Variants in SOX30 observed in about 807,000 individuals in gnomAD.
SOX30 encodes the protein SRY-box transcription factor 30, also known as transcription factor SOX-30.
A neutral mutation model predicts 58.6 loss-of-function variants in SOX30; 17 were observed. The observed-to-expected ratio is 0.29, with a 90% CI of 0.20 to 0.44. The LOEUF (loss-of-function observed/expected upper bound fraction) is 0.44. Among genes scored for constraint, SOX30 ranks in the 20% least tolerant of loss-of-function variants. SOX30 has a pLI of 1.00. For synonymous variants in SOX30, 421 were observed against 400.2 expected, an observed-to-expected ratio of 1.05 and a Z score of -0.62; for missense variants, 951 against 965.8, an observed-to-expected ratio of 0.98 and a Z score of 0.20.
At chr5:157,632,046 C>CT (rs1222492733) in intron 4 of SOX30, among the ~76,000 whole-genome samples, 3 of 18,948 alleles carry the variant, frequency 1.6e-4, no homozygotes, top group African/African-American at 5.2e-4. Flanking sequence ...CACCCCGTAA[C>CT]TAAAAAAAAA....
chr5:157,642,411 T>C (rs1388078740), intron 3 of SOX30, among the ~76,000 whole-genome samples: 2 of 151,728 alleles, frequency 1.3e-5, no homozygotes, highest in African/African-American at 2.4e-5. Context: ...TATTATGCGG[T>C]AGTAATCACA....
In SOX30 at chr5:157,652,112, C is replaced by G; in HGVS notation, c.-34G>C. 1 of 1,387,534 alleles carries G rather than the reference C, an allele frequency of 7.2e-7. No homozygotes were observed. Among genetic ancestry groups the G allele is most frequent in the Middle Eastern group, 2.5e-4 (1 of 3,950 alleles). 86.0% of individuals were successfully genotyped at this position (1,387,534 alleles called of 1,614,324 possible). The stretch of plus-strand genomic sequence containing the variant: ...GGGACGCCCCGGCCAGGATTGTGAG[C>G]TCAGCCGTTTGTTGGCGACCTTCCC... On this transcript the variant is annotated 5_prime_UTR_variant, in exon 1 of 5. Transcript: ENST00000265007.
chr5:157,652,976 A>G (rs1209302397), upstream of SOX30, among the ~76,000 whole-genome samples: 5 of 152,190 alleles, frequency 3.3e-5, no homozygotes, highest in African/African-American at 1.2e-4. Context: ...TTCTTAGCAA[A>G]GCCTTAAAAA....
chr5:157,627,868 C>T (rs1266094911), intron 4 of SOX30, among the ~76,000 whole-genome samples: 4 of 152,032 alleles, frequency 2.6e-5, no homozygotes, highest in Non-Finnish European at 4.4e-5. Flanking sequence ...GTGGCGGGCG[C>T]CTGTAGTCCC....
chr5:157,641,571 C>A (rs190751797), intron 3 of SOX30, among the ~76,000 whole-genome samples: 18 of 152,232 alleles, frequency 1.2e-4, no homozygotes, highest in African/African-American at 4.1e-4. Context: ...TGAGATCATG[C>A]CACTGCACTC....
intron 4 of SOX30, among the ~76,000 whole-genome samples, chr5:157,628,816 A>AT (rs1169532865): frequency 6.6e-6 from 1 of 151,714 alleles, no homozygotes; most frequent in Non-Finnish European, 1.5e-5. Context: ...TAATTTTTGT[A>AT]TTTTAGTAGA....
upstream of SOX30, among the ~76,000 whole-genome samples, chr5:157,653,735 A>C (rs549226886): frequency 6.6e-6 from 1 of 152,330 alleles, no homozygotes; most frequent in South Asian, 2.1e-4. Context: ...ACAAGTTATC[A>C]CTCAAAGACC....
chr5:157,656,580 C>T (rs1340601875), upstream of SOX30, among the ~76,000 whole-genome samples: 9 of 152,176 alleles, frequency 5.9e-5, no homozygotes, highest in Non-Finnish European at 1.2e-4. Context: ...ACACCTAGTA[C>T]ATAATTAAAA....
At chr5:157,628,364 TTCACACAC>T (rs1342519313) in intron 4 of SOX30, among the ~76,000 whole-genome samples, 2 of 97,588 alleles carry the variant, frequency 2.0e-5, no homozygotes, top group African/African-American at 1.0e-4. Flanking sequence ...ATTTCTGGCC[TTCACACAC>T]ACACACACAC....
upstream of SOX30, among the ~76,000 whole-genome samples, chr5:157,654,096 G>T (rs145685649): frequency 0.089 from 13,494 of 151,334 alleles, 695 homozygotes; most frequent in Middle Eastern, 0.15. Context: ...AACCTGGGAG[G>T]CAGAGGTTGC....
upstream of SOX30, among the ~76,000 whole-genome samples, chr5:157,655,835 A>G (rs1759460664): frequency 6.6e-6 from 1 of 152,202 alleles, no homozygotes; most frequent in Non-Finnish European, 1.5e-5. Context: ...TTGTGAGGCT[A>G]GTCTTAAGCT....
intron 2 of SOX30, among the ~76,000 whole-genome samples, chr5:157,664,155 A>C (rs1244956369): frequency 6.6e-6 from 1 of 151,924 alleles, no homozygotes; most frequent in Admixed American, 6.6e-5. Flanking sequence ...AAGCCAAAAG[A>C]ACAAAGCTGG....
intron 4 of SOX30, among the ~76,000 whole-genome samples, chr5:157,633,017 A>G (rs1758847996): frequency 6.6e-6 from 1 of 152,180 alleles, no homozygotes; most frequent in Non-Finnish European, 1.5e-5. Context: ...TGAACCCCAG[A>G]GGCAGAGGCT....
chr5:157,668,639 G>T (rs55725714), intron 1 of SOX30, among the ~76,000 whole-genome samples: 6,384 of 152,180 alleles, frequency 0.042, 209 homozygotes, highest in East Asian at 0.1. Flanking sequence ...AGAACATAAA[G>T]GTGGAAGAAT....
intron 4 of SOX30, among the ~76,000 whole-genome samples, chr5:157,629,468 A>G (rs1758737716): frequency 6.6e-6 from 1 of 152,214 alleles, no homozygotes. Flanking sequence ...TAACGCCAGC[A>G]TTATAGTGAC....
chr5:157,638,412 C>G lies in SOX30; in HGVS notation c.1698G>C (p.Arg566Ser), dbSNP rs754485706. The change falls in exon 4 of 5, where the codon AGG becomes AGC. Residue 566 changes from arginine to serine, a missense_variant. Arg to Ser is a moderately radical substitution (Grantham distance 110). This residue lies in a region of SOX30 where 381 missense variants were observed against 390.0 expected (regional missense o/e 0.98). Transcript: ENST00000265007. ...GACAAGGGGAAACGCTGGAATACTCCCTAGGAGGTTGGATGGTCGAAGTTG... is the reference window on the plus strand; with the variant it reads ...GACAAGGGGAAACGCTGGAATACTCGCTAGGAGGTTGGATGGTCGAAGTTG... ...RFATSTIQPP[R>S]EYSSVSPCPR... The G allele has an allele frequency of 6.2e-7, 1 of 1,613,640 alleles. No individual in the cohort carries two copies. The highest frequency in any genetic ancestry group is 2.2e-5 in the East Asian group (1 of 44,862).
Position 157,648,806 on chromosome 5 carries a change from G to C in SOX30, c.1058C>G (p.Pro353Arg), listed in dbSNP as rs772733963. 1.1e-5 allele frequency: 18 copies of C among 1,612,814 alleles called. No homozygotes were observed. The South Asian group carries it at 2.0e-4, about 18-fold the overall frequency. ...TGCTGGGTTAGCTTTGGCTAGTGCTGGTCGGTGGATCCTTGCCCAAACCAT... is the reference window on the plus strand; with the variant it reads ...TGCTGGGTTAGCTTTGGCTAGTGCTCGTCGGTGGATCCTTGCCCAAACCAT... ...AFMVWARIHR[P>R]ALAKANPAAN... The change falls in exon 2 of 5, where the codon CCA becomes CGA. Residue 353 changes from proline (P) to arginine (R), a missense_variant. By Grantham distance (103) the Pro-to-Arg change is moderately radical. Transcript: ENST00000265007.
At chr5:157,649,528 G>A (rs923595780) in intron 1 of SOX30, among the ~76,000 whole-genome samples, 2 of 152,144 alleles carry the variant, frequency 1.3e-5, no homozygotes, top group Admixed American at 6.5e-5. Context: ...GGTGGCTCAC[G>A]CCTGTAATCC....
rs1758976430 is a variant in SOX30, at chr5:157,638,256, T to C, written c.1854A>G (p.Leu618=). Residue 618 remains leucine (L), a synonymous_variant, in exon 4 of 5, where the codon CTA becomes CTG. Transcript: ENST00000265007. ...PRFSFHHPYF[L]PGPHYFPSST... Reference sequence around the variant, plus strand: ...TTGATGGGAAGTAGTGAGGTCCGGGTAGGAAGTAAGGGTGATGAAAAGAGA... The same window carrying C: ...TTGATGGGAAGTAGTGAGGTCCGGGCAGGAAGTAAGGGTGATGAAAAGAGA... 3 of 1,541,588 alleles carry C rather than the reference T, an allele frequency of 1.9e-6. No individual in the cohort carries two copies. Among genetic ancestry groups the C allele is most frequent in the Non-Finnish European group, 2.6e-6 (3 of 1,143,600 alleles).
Sources: allele counts gnomAD v4.1 joint callset (sites outside exome capture counted in the v4.1 genomes callset), GRCh38; gene constraint gnomAD v4.1.1; regional missense constraint gnomAD v4.1.1; transcripts MANE v1.5; gene names NCBI Gene and HGNC (gene_info 2026-07-23, HGNC 2026-07-21).